The following BCKDHB variants were observed in gnomAD, a reference collection of about 807,000 sequenced individuals.
BCKDHB encodes branched chain keto acid dehydrogenase E1 subunit beta, also known as 2-oxoisovalerate dehydrogenase subunit beta, mitochondrial.
A neutral mutation model predicts 48.5 loss-of-function variants in BCKDHB; 41 were observed. The observed-to-expected ratio is 0.85, with a 90% confidence interval of 0.66 to 1.10. The LOEUF (loss-of-function observed/expected upper bound fraction) is 1.10, where lower values mean the gene tolerates loss of function less well. Among genes scored for constraint, BCKDHB ranks in the 50% least tolerant of loss-of-function variants. The probability of loss-of-function intolerance (pLI) is 0.00; values close to 1 mark genes in which losing one functional copy is unlikely to be tolerated. For synonymous variants in BCKDHB, 201 were observed against 174.8 expected (o/e 1.15, Z -1.18); for missense variants, 496 against 494.2 (o/e 1.00, Z -0.03).
At chr6:80,245,117 G>A (rs1020012017) in intron 8 of BCKDHB, among the ~76,000 whole-genome samples, 2 of 151,546 alleles carry the variant, frequency 1.3e-5, no homozygotes, top group Non-Finnish European at 2.9e-5. Flanking sequence ...GAATTTTAAT[G>A]TATGTAAAGT....
intron 8 of BCKDHB, among the ~76,000 whole-genome samples, chr6:80,210,647 G>A (rs1165147084): frequency 2.6e-5 from 4 of 152,072 alleles, no homozygotes; most frequent in Non-Finnish European, 5.9e-5. Flanking sequence ...ACTTCACATT[G>A]TAGTGAGCCC....
chr6:80,393,057 T>G, the BCKDHB span, among the ~76,000 whole-genome samples: 1 of 152,100 alleles, frequency 6.6e-6, no homozygotes, highest in Admixed American at 6.6e-5. Context: ...TTTTCATAAT[T>G]TTTTCATCAA....
At chr6:80,331,622 T>C (rs1582581101) in intron 9 of BCKDHB, among the ~76,000 whole-genome samples, 2 of 152,194 alleles carry the variant, frequency 1.3e-5, no homozygotes, top group African/African-American at 4.8e-5. Context: ...ATAATACTCA[T>C]GTAACATGAG....
chr6:80,392,440 T>C, the BCKDHB span, among the ~76,000 whole-genome samples: 1 of 152,060 alleles, frequency 6.6e-6, no homozygotes, highest in African/African-American at 2.4e-5. Flanking sequence ...CATCAATTTT[T>C]ATTATTTTTT....
chr6:80,128,967 G>C (rs1770482543), intron 2 of BCKDHB, among the ~76,000 whole-genome samples, 194 bp from the exon 3 acceptor site: 1 of 151,870 alleles, frequency 6.6e-6, no homozygotes, highest in Non-Finnish European at 1.5e-5. Flanking sequence ...CAGTGCACAG[G>C]ACAGACCCTC....
the BCKDHB span, among the ~76,000 whole-genome samples, chr6:80,407,956 GT>G: frequency 6.6e-6 from 1 of 152,110 alleles, no homozygotes; most frequent in Non-Finnish European, 1.5e-5. Context: ...AATGCTTCCA[GT>G]TTTTCCCATT....
intron 9 of BCKDHB, among the ~76,000 whole-genome samples, chr6:80,301,973 T>C (rs1767607175): frequency 2.6e-5 from 4 of 152,048 alleles, no homozygotes; most frequent in Admixed American, 2.0e-4. Flanking sequence ...TAACCCTCAA[T>C]AGGCTAGGCA....
chr6:80,390,697 CTTTA>C, the BCKDHB span, among the ~76,000 whole-genome samples: 1 of 152,018 alleles, frequency 6.6e-6, no homozygotes, highest in Non-Finnish European at 1.5e-5. Context: ...TATTGTCTTT[CTTTA>C]TTTGAAGATT....
At chr6:80,422,401 G>A in the BCKDHB span, among the ~76,000 whole-genome samples, 1 of 152,212 alleles carries the variant, frequency 6.6e-6, no homozygotes, top group Non-Finnish European at 1.5e-5. Context: ...GGGCAATGCA[G>A]AGGGAAAAGG....
At chr6:80,352,690 T>C in the BCKDHB span, among the ~76,000 whole-genome samples, 55 of 152,198 alleles carry the variant, frequency 3.6e-4, no homozygotes, top group Non-Finnish European at 6.9e-4. Context: ...GATTAGTTTA[T>C]ATATTGTGCT....
chr6:80,359,182 T>C, the BCKDHB span, among the ~76,000 whole-genome samples: 2 of 152,228 alleles, frequency 1.3e-5, no homozygotes, highest in East Asian at 3.9e-4. Context: ...CCTGGTTTCC[T>C]GCTCCCAAAG....
chr6:80,407,691 TG>T, the BCKDHB span, among the ~76,000 whole-genome samples: 398 of 152,330 alleles, frequency 2.6e-3, 2 homozygotes, highest in Non-Finnish European at 4.6e-3. Flanking sequence ...TTGTGATTTT[TG>T]CACATTGATT....
At chr6:80,136,241 G>A (rs1410114358) in intron 3 of BCKDHB, among the ~76,000 whole-genome samples, 2 of 152,014 alleles carry the variant, frequency 1.3e-5, no homozygotes, top group Non-Finnish European at 2.9e-5. Flanking sequence ...TTATCAAAAC[G>A]GTGTGACAGT....
At chr6:80,145,246 G>A (rs1026972195) in intron 3 of BCKDHB, among the ~76,000 whole-genome samples, 63 of 152,228 alleles carry the variant, frequency 4.1e-4, no homozygotes, top group African/African-American at 1.4e-3. Flanking sequence ...GCAGGGTCTT[G>A]CCTTGCCTGT....
At chr6:80,133,256 C>T (rs1231100217) in intron 3 of BCKDHB, among the ~76,000 whole-genome samples, 1 of 152,270 alleles carries the variant, frequency 6.6e-6, no homozygotes, top group Non-Finnish European at 1.5e-5. Flanking sequence ...TACTGACATA[C>T]GTTGTAAAGC....
the BCKDHB span, among the ~76,000 whole-genome samples, chr6:80,418,945 G>A: frequency 2.0e-5 from 3 of 152,216 alleles, no homozygotes; most frequent in Non-Finnish European, 4.4e-5. Context: ...GTGTGGCACT[G>A]GCAGGTGCAG....
Position 80,135,315 on chromosome 6 carries a change from A to G in BCKDHB, c.343+6086A>G, listed in dbSNP as rs556613965. ...ATTTTATGGAAGAAAAAAACAGGAT[A>G]AAATTCAGGAAAATTCCTTAGGGAA... is the stretch of plus-strand genomic sequence containing the variant. On this transcript the variant is annotated intron_variant, in intron 3 of 9. Coordinates refer to ENST00000320393, the MANE Select transcript of BCKDHB (RefSeq NM_183050.4). Among the ~76,000 whole-genome samples, 13 of 152,216 alleles carry G rather than the reference A, an allele frequency of 8.5e-5. No homozygotes were observed. The South Asian group carries it at 1.7e-3, about 19-fold the overall frequency.
At chr6:80,410,843 C>A in the BCKDHB span, among the ~76,000 whole-genome samples, 76 of 152,300 alleles carry the variant, frequency 5.0e-4, no homozygotes, top group Middle Eastern at 3.4e-3. Flanking sequence ...AGCCATTCGT[C>A]TAACCTTTTT....
the BCKDHB span, among the ~76,000 whole-genome samples, chr6:80,425,700 C>T: frequency 1.3e-5 from 2 of 152,218 alleles, no homozygotes; most frequent in Non-Finnish European, 2.9e-5. Flanking sequence ...GTTCTTACAA[C>T]TACAACATCA....
Sources: gnomAD v4.1 joint callset for allele counts (sites outside exome capture counted in the v4.1 genomes callset) on GRCh38, gnomAD v4.1.1 for gene constraint, MANE v1.5 for transcripts, NCBI Gene and HGNC (gene_info 2026-07-23, HGNC 2026-07-21) for gene names.